The following DLG1 variants were observed in gnomAD, a reference collection of about 807,000 sequenced individuals.
DLG1 encodes the protein disks large homolog 1.
In DLG1, 42 loss-of-function variants were observed where a neutral mutation model predicts 123.4. The ratio of observed to expected loss-of-function variants is 0.34; its 90% CI spans 0.27 to 0.44. DLG1 has a LOEUF of 0.44. DLG1 is among the 20% of genes least tolerant of loss of function. The pLI, the probability that DLG1 is intolerant of heterozygous loss-of-function variation, is 1.00. For missense variants in DLG1, 942 were observed against 1,082.6 expected (o/e 0.87, Z 1.82); for synonymous variants, 317 against 356.2 (o/e 0.89, Z 1.24).
At chr3:197,198,354 G>T (rs937145859) in intron 4 of DLG1, among the ~76,000 whole-genome samples, 1 of 151,952 alleles carries the variant, frequency 6.6e-6, no homozygotes, top group Non-Finnish European at 1.5e-5. Context: ...CGGGTGTGGT[G>T]GTGGGCACCT....
In DLG1 at chr3:197,130,570, A is replaced by G. The variant is rs755903938; in HGVS notation, c.1122T>C (p.Ser374=). The change falls in exon 11 of 25, where the codon AGT becomes AGC. Residue 374 remains serine, a synonymous_variant. Coordinates refer to ENST00000667157, the MANE Select transcript of DLG1 (RefSeq NM_001366207.1). ...FVYLKVAKPT[S]MYMNDGYAPP... Reference sequence around the variant, plus strand: ...GTGCATAGCCATCATTCATATACATACTTGTGGGTTTTGCCACTTTCAAAT... The same window carrying G: ...GTGCATAGCCATCATTCATATACATGCTTGTGGGTTTTGCCACTTTCAAAT... The G allele has an allele frequency of 6.2e-7, 1 of 1,612,964 alleles. No individual in the cohort carries two copies. Among genetic ancestry groups the G allele is most frequent in the Admixed American group, 1.7e-5 (1 of 59,966 alleles).
chr3:197,241,915 T>A (rs572160988), intron 4 of DLG1, among the ~76,000 whole-genome samples: 26 of 151,874 alleles, frequency 1.7e-4, no homozygotes, highest in African/African-American at 6.3e-4. Flanking sequence ...AAGGAAGAGT[T>A]ACGAAACAAT....
In DLG1 at chr3:197,119,479, T is replaced by C; in HGVS notation, c.1217A>G (p.Gln406Arg). ...NHVSPSSFLG[Q>R]TPASPARYSP... ...GTATCTGGCTGGAGATGCTGGTGTC[T>C]GGCCCAAGAAGGAAGATGGGCTAAC... Residue 406 changes from glutamine (Q) to arginine (R), a missense_variant, in exon 12 of 25, where the codon CAG (glutamine) becomes CGG (arginine). Gln to Arg is a conservative substitution (Grantham distance 43). Coordinates refer to ENST00000667157, the MANE Select transcript of DLG1 (RefSeq NM_001366207.1). The C allele has an allele frequency of 6.2e-7, 1 of 1,612,108 alleles. No homozygotes were observed. Among genetic ancestry groups the C allele is most frequent in the Non-Finnish European group, 8.5e-7 (1 of 1,178,626 alleles).
intron 6 of DLG1, among the ~76,000 whole-genome samples, chr3:197,147,430 GTGCACA>G (rs1204772673): frequency 2.2e-5 from 2 of 91,182 alleles, no homozygotes; most frequent in Admixed American, 2.6e-4. Flanking sequence ...AATATATGGT[GTGCACA>G]CACACACACA....
At chr3:197,265,905 C>T (rs1579000675) in intron 4 of DLG1, among the ~76,000 whole-genome samples, 2 of 152,216 alleles carry the variant, frequency 1.3e-5, no homozygotes, top group South Asian at 4.1e-4. Flanking sequence ...CAAAAATTAG[C>T]CAGGCGTGGT....
At chr3:197,104,231 GTTT>G in intron 14 of DLG1, among the ~76,000 whole-genome samples, 1 of 152,114 alleles carries the variant, frequency 6.6e-6, no homozygotes, top group South Asian at 2.1e-4. Flanking sequence ...TCTGCTTATG[GTTT>G]TTATTATTTT....
chr3:197,293,271 G>A (rs528357901), intron 3 of DLG1, among the ~76,000 whole-genome samples: 2 of 152,226 alleles, frequency 1.3e-5, no homozygotes, highest in East Asian at 1.9e-4. Flanking sequence ...TAAATATTTA[G>A]CTCTAAAGAA....
At chr3:197,076,824 T>C (rs1302389000) in intron 17 of DLG1, 139 bp from the exon 18 acceptor site, 4 of 460,624 alleles carry the variant, frequency 8.7e-6, no homozygotes, top group Admixed American at 3.8e-5. Flanking sequence ...TAATCTCATA[T>C]AAAGTGAATT....
chr3:197,143,931 G>T (rs1333798500), intron 6 of DLG1, among the ~76,000 whole-genome samples: 1 of 152,120 alleles, frequency 6.6e-6, no homozygotes, highest in African/African-American at 2.4e-5. Context: ...CTACAGTAAA[G>T]GCCACTGGTG....
chr3:197,140,073 A>T, intron 8 of DLG1, 67 bp downstream of exon 8: 1 of 1,556,608 alleles, frequency 6.4e-7, no homozygotes, highest in Non-Finnish European at 8.7e-7. Context: ...TTTATCCCTT[A>T]TCCAGTCTGC....
At chr3:197,087,372 T>TA (rs1027013415) in intron 15 of DLG1, among the ~76,000 whole-genome samples, 65 of 151,014 alleles carry the variant, frequency 4.3e-4, no homozygotes, top group South Asian at 1.7e-3. Context: ...ATACATTGAC[T>TA]AAAAAAAACC....
chr3:197,250,581 A>G (rs78479593), intron 4 of DLG1, among the ~76,000 whole-genome samples: 1 of 151,772 alleles, frequency 6.6e-6, no homozygotes, highest in Non-Finnish European at 1.5e-5. Context: ...AAAAAAAAAA[A>G]GAAAAAGAAA....
intron 4 of DLG1, among the ~76,000 whole-genome samples, chr3:197,281,022 C>CTTT (rs34918314): frequency 3.0e-5 from 4 of 133,588 alleles, no homozygotes; most frequent in Admixed American, 7.4e-5. Flanking sequence ...TGTGGAGGCT[C>CTTT]TTTTTTTTTT....
chr3:197,134,257 C>A (rs931664199), intron 10 of DLG1, among the ~76,000 whole-genome samples: 1 of 152,004 alleles, frequency 6.6e-6, no homozygotes, highest in African/African-American at 2.4e-5. Flanking sequence ...AGTCTCCTTG[C>A]AACAATAAAC....
chr3:197,148,405 T>TCTCAAGAA (rs1296605061), intron 6 of DLG1, among the ~76,000 whole-genome samples: 13 of 117,176 alleles, frequency 1.1e-4, no homozygotes, highest in South Asian at 1.1e-3. Flanking sequence ...AGTGAAACTG[T>TCTCAAGAA]CTCAAGAAAA....
chr3:197,192,545 C>A (rs1720178035), intron 5 of DLG1, among the ~76,000 whole-genome samples: 1 of 151,700 alleles, frequency 6.6e-6, no homozygotes, highest in South Asian at 2.1e-4. Flanking sequence ...GGTAAACAGC[C>A]AAAAAATCAG....
chr3:197,172,706 G>A (rs1250000973), intron 5 of DLG1, among the ~76,000 whole-genome samples: 1 of 152,024 alleles, frequency 6.6e-6, no homozygotes, highest in Non-Finnish European at 1.5e-5. Flanking sequence ...TGTGTTTCTG[G>A]GCAGCCACCA....
At chr3:197,110,290 G>C (rs1160800415) in intron 13 of DLG1, among the ~76,000 whole-genome samples, 2 of 152,090 alleles carry the variant, frequency 1.3e-5, no homozygotes, top group Non-Finnish European at 2.9e-5. Context: ...CTTGTCTAGA[G>C]AATTTTTCAT....
chr3:197,048,607 A>C (rs1220512387), intron 24 of DLG1, among the ~76,000 whole-genome samples: 1 of 152,242 alleles, frequency 6.6e-6, no homozygotes, highest in East Asian at 1.9e-4. Flanking sequence ...AATGTAAATG[A>C]GTAAAGCCAT....
Sources: allele counts gnomAD v4.1 joint callset (sites outside exome capture counted in the v4.1 genomes callset), GRCh38; gene constraint gnomAD v4.1.1; transcripts MANE v1.5; gene names NCBI Gene and HGNC (gene_info 2026-07-23, HGNC 2026-07-21).